The following ZDHHC3 variants were observed in gnomAD, a reference collection of about 807,000 sequenced individuals.
ZDHHC3 encodes zDHHC palmitoyltransferase 3.
ZDHHC3 carries 9 observed loss-of-function variants against 30.6 expected under a neutral mutation model. That is an observed-to-expected ratio of 0.29 (90% CI 0.18 to 0.51). ZDHHC3 has a LOEUF of 0.51. Among genes scored for constraint, ZDHHC3 ranks in the 20% least tolerant of loss-of-function variants. The probability of loss-of-function intolerance (pLI) is 0.97; values close to 1 mark genes in which losing one functional copy is unlikely to be tolerated. For missense variants in ZDHHC3, 246 were observed against 384.2 expected, an observed-to-expected ratio of 0.64 and a Z score of 3.01; for synonymous variants, 136 against 140.2, an observed-to-expected ratio of 0.97 and a Z score of 0.21.
At chr3:44,933,673 T>C (rs553920285) in intron 4 of ZDHHC3, among the ~76,000 whole-genome samples, 3 of 152,308 alleles carry the variant, frequency 2.0e-5, no homozygotes, top group Non-Finnish European at 2.9e-5. Flanking sequence ...CCCTTGCTCA[T>C]AGCTAATCAA....
At position 44,920,288 on chromosome 3, in the gene ZDHHC3, T is replaced by A. The variant is rs1423002314; in HGVS notation, c.*6401A>T. On this transcript the variant is annotated 3_prime_UTR_variant, in exon 7 of 7. Coordinates refer to ENST00000424952, the MANE Select transcript of ZDHHC3 (RefSeq NM_001135179.2). ...GCACAGAAGCAGTGACCAGCTGAGATGGTTTGCTTTGGGCATTCTGCATTC... is the reference window on the plus strand; with the variant it reads ...GCACAGAAGCAGTGACCAGCTGAGAAGGTTTGCTTTGGGCATTCTGCATTC... 7.8e-7 allele frequency: 1 copy of A among 1,289,760 alleles called. No individual in the cohort carries two copies. Among genetic ancestry groups the A allele is most frequent in the African/African-American group, 1.5e-5 (1 of 65,860 alleles). 79.9% of individuals were successfully genotyped at this position (1,289,760 alleles called of 1,614,324 possible).
Position 44,926,348 on chromosome 3 carries a change from A to G in ZDHHC3, c.*341T>C, listed in dbSNP as rs1575773794. 1 of 1,020,154 alleles carries G rather than the reference A, an allele frequency of 9.8e-7. No individual in the cohort carries two copies. The highest frequency in any genetic ancestry group is 4.5e-5 in the South Asian group (1 of 22,210). 63.2% of individuals were successfully genotyped at this position (1,020,154 alleles called of 1,614,324 possible). A position where few individuals can be genotyped will look rare whatever the true frequency, so the allele number is the denominator to read the frequency against. On this transcript the variant is annotated 3_prime_UTR_variant, in exon 7 of 7. Transcript: ENST00000424952. Reference sequence around the variant, plus strand: ...GACTATTCCATCCACGCACAGCGTCATGTCTCACTCAGTTAGTAGAATGGG... The same window carrying G: ...GACTATTCCATCCACGCACAGCGTCGTGTCTCACTCAGTTAGTAGAATGGG...
At position 44,929,445 on chromosome 3, in the gene ZDHHC3, G is replaced by A. The variant is rs563561820; in HGVS notation, c.611-9C>T. ...AGAGAAGGAGCTGCACTCTGAAAGA[G>A]AAGCAGCACACAGGGATTGGTACTG... On this transcript the variant is annotated splice_polypyrimidine_tract_variant and intron_variant, in intron 5 of 6. Transcript: ENST00000424952. 31 of 1,613,652 alleles carry A rather than the reference G, an allele frequency of 1.9e-5. No homozygotes were observed. The highest frequency in any genetic ancestry group is 2.6e-5 in the Non-Finnish European group (31 of 1,179,820).
At position 44,959,120 on chromosome 3, in the gene ZDHHC3, GACAT is replaced by G; in HGVS notation, c.306+7_306+10del. On this transcript the variant is annotated splice_region_variant and intron_variant, in intron 2 of 6. Coordinates refer to ENST00000424952, the MANE Select transcript of ZDHHC3 (RefSeq NM_001135179.2). This position sits in a 1 kb window ranked among gnomAD's most constrained non-coding sequence, Gnocchi z 4.3. ...GTGTGGGCTGGTCAAAACAAGCCCA[GACAT>G]ACTCACGGGGTCCGTCAGCATGGCC... 6.2e-7 allele frequency: 1 copy of G among 1,613,778 alleles called. No individual in the cohort carries two copies. Among genetic ancestry groups the G allele is most frequent in the Non-Finnish European group, 8.5e-7 (1 of 1,179,778 alleles).
rs117636365 is a variant in ZDHHC3 at position 44,942,199 on chromosome 3, G to A, written c.431+2969C>T. 3.2e-3 allele frequency among the ~76,000 whole-genome samples: 480 copies of A among 152,380 alleles called. 2 individuals carry two copies. The highest frequency in any genetic ancestry group is 0.025 in the East Asian group (131 of 5,190). ...CATGCACCTTTGCCTGAGCGGGCAA[G>A]GTCGACATCAACTTTAACCAGGCAG... On this transcript the variant is annotated intron_variant, in intron 3 of 6. Transcript: ENST00000424952.
chr3:44,953,527 A>G (rs956483508), intron 2 of ZDHHC3, among the ~76,000 whole-genome samples: 2 of 152,224 alleles, frequency 1.3e-5, no homozygotes, highest in African/African-American at 4.8e-5. Context: ...CATTTCAAGC[A>G]ACAAGAATGA....
chr3:44,955,287 CCTTTT>C (rs1428716539), intron 2 of ZDHHC3, among the ~76,000 whole-genome samples: 2 of 152,088 alleles, frequency 1.3e-5, no homozygotes, highest in Non-Finnish European at 2.9e-5. Context: ...TTCCCACTTC[CCTTTT>C]CTTTTCAAGC....
In ZDHHC3 at chr3:44,922,536, G is replaced by A. The variant is rs759499966; in HGVS notation, c.*4153C>T. On this transcript the variant is annotated 3_prime_UTR_variant, in exon 7 of 7. Coordinates refer to ENST00000424952, the MANE Select transcript of ZDHHC3 (RefSeq NM_001135179.2). ...GGAAGGCAGTCTCAGTGGCTTCTCC[G>A]CGGAGGGAACACGTGCCTGTCTCAC... 104 of 985,276 alleles carry A rather than the reference G, an allele frequency of 1.1e-4. No individual in the cohort carries two copies. In the Middle Eastern group the frequency reaches 3.1e-3, roughly 29 times the overall value. The allele number at this position is 985,276 out of a possible 1,614,324, so 61.0% of individuals were successfully genotyped here.
intron 2 of ZDHHC3, among the ~76,000 whole-genome samples, chr3:44,946,943 T>C (rs1702994729): frequency 1.3e-5 from 2 of 152,180 alleles, no homozygotes. Flanking sequence ...CAGTTGCCTG[T>C]GTTATGTGGA....
In ZDHHC3 at chr3:44,925,667, C is replaced by T. The variant is rs1011412760; in HGVS notation, c.*1022G>A. ...CATCTCCATGCCAGGACAACAGTCTCCCAGGTTAAAATATAGATAAGACAC... is the reference window on the plus strand; with the variant it reads ...CATCTCCATGCCAGGACAACAGTCTTCCAGGTTAAAATATAGATAAGACAC... On this transcript the variant is annotated 3_prime_UTR_variant, in exon 7 of 7. Coordinates refer to ENST00000424952, the MANE Select transcript of ZDHHC3 (RefSeq NM_001135179.2). 22 of 985,282 alleles carry T rather than the reference C, an allele frequency of 2.2e-5. No individual in the cohort carries two copies. The highest frequency in any genetic ancestry group is 2.2e-5 in the Non-Finnish European group (18 of 829,942). The allele number at this position is 985,282 out of a possible 1,614,324, so 61.0% of individuals were successfully genotyped here.
chr3:44,944,992 C>A (rs1702788648), intron 3 of ZDHHC3, among the ~76,000 whole-genome samples, 176 bp downstream of exon 3: 1 of 152,152 alleles, frequency 6.6e-6, no homozygotes, highest in South Asian at 2.1e-4. Context: ...CTCACAGGGA[C>A]CAGGAAGGAG....
chr3:44,941,925 T>G (rs1702475574), intron 3 of ZDHHC3, among the ~76,000 whole-genome samples: 1 of 152,218 alleles, frequency 6.6e-6, no homozygotes, highest in Non-Finnish European at 1.5e-5. Flanking sequence ...CACATTAGCA[T>G]AAATGGCTCC....
intron 3 of ZDHHC3, among the ~76,000 whole-genome samples, chr3:44,941,436 G>A (rs886662758): frequency 2.0e-5 from 3 of 152,086 alleles, no homozygotes; most frequent in African/African-American, 7.2e-5. Context: ...ATCTCTTAGG[G>A]TCATTGTGAG....
At chr3:44,968,849 A>G (rs1301755891) in intron 1 of ZDHHC3, among the ~76,000 whole-genome samples, 1 of 152,188 alleles carries the variant, frequency 6.6e-6, no homozygotes, top group Non-Finnish European at 1.5e-5. Flanking sequence ...AGACTGTGAG[A>G]ACTACCCGCC....
intron 2 of ZDHHC3, among the ~76,000 whole-genome samples, chr3:44,949,018 G>A (rs1438465532): frequency 6.6e-6 from 1 of 152,220 alleles, no homozygotes; most frequent in Non-Finnish European, 1.5e-5. Context: ...AGTGCTGCAG[G>A]CTCAGACTGA....
intron 5 of ZDHHC3, among the ~76,000 whole-genome samples, chr3:44,930,078 C>T (rs1183250925): frequency 2.0e-5 from 3 of 152,218 alleles, no homozygotes; most frequent in Admixed American, 6.5e-5. Context: ...GCCAGGGAGT[C>T]GACCAAAGAG....
At position 44,923,055 on chromosome 3, in the gene ZDHHC3, A is replaced by G; in HGVS notation, c.*3634T>C. 1.0e-6 allele frequency: 1 copy of G among 982,874 alleles called. No individual in the cohort carries two copies. Among genetic ancestry groups the G allele is most frequent in the Non-Finnish European group, 1.2e-6 (1 of 829,566 alleles). The allele number at this position is 982,874 out of a possible 1,614,324, so 60.9% of individuals were successfully genotyped here. A position where few individuals can be genotyped will look rare whatever the true frequency, so the allele number is the denominator to read the frequency against. ...GGAGAGGAGTTTCTGTGTAATGCCAACCTCACATACATGTTTAAAATGTTT... is the reference window on the plus strand; with the variant it reads ...GGAGAGGAGTTTCTGTGTAATGCCAGCCTCACATACATGTTTAAAATGTTT... On this transcript the variant is annotated 3_prime_UTR_variant, in exon 7 of 7. Coordinates refer to ENST00000424952, the MANE Select transcript of ZDHHC3 (RefSeq NM_001135179.2).
chr3:44,923,070 T>C lies in ZDHHC3; in HGVS notation c.*3619A>G, dbSNP rs1700718050. ...TGTAATGCCAACCTCACATACATGT[T>C]TAAAATGTTTGTTTTTTTTTTTTGA... is the stretch of plus-strand genomic sequence containing the variant. On this transcript the variant is annotated 3_prime_UTR_variant, in exon 7 of 7. Coordinates refer to ENST00000424952, the MANE Select transcript of ZDHHC3 (RefSeq NM_001135179.2). 1 of 973,844 alleles carries C rather than the reference T, an allele frequency of 1.0e-6. No individual in the cohort carries two copies. Among genetic ancestry groups the C allele is most frequent in the Admixed American group, 7.0e-5 (1 of 14,358 alleles). 60.3% of individuals were successfully genotyped at this position (973,844 alleles called of 1,614,324 possible).
intron 1 of ZDHHC3, among the ~76,000 whole-genome samples, chr3:44,965,253 C>T (rs977179047): frequency 6.6e-6 from 1 of 152,186 alleles, no homozygotes. Flanking sequence ...ACATAACACA[C>T]GTGCTTCATT....
Sources: allele counts gnomAD v4.1 joint callset (sites outside exome capture counted in the v4.1 genomes callset), GRCh38; gene constraint gnomAD v4.1.1; non-coding constraint Gnocchi (gnomAD v3.1); transcripts MANE v1.5; gene names NCBI Gene and HGNC (gene_info 2026-07-23, HGNC 2026-07-21).